Variants in AGFG1 observed in about 807,000 individuals in gnomAD.
The protein encoded by AGFG1 is ArfGAP with FG repeats 1.
AGFG1 carries 10 observed loss-of-function variants against 60.6 expected under a neutral mutation model. The ratio of observed to expected loss-of-function variants is 0.16; its 90% CI spans 0.10 to 0.28. The LOEUF (loss-of-function observed/expected upper bound fraction) is 0.28, where lower values mean the gene tolerates loss of function less well. Among genes scored for constraint, AGFG1 ranks in the 10% least tolerant of loss-of-function variants. The pLI is 1.00. For missense variants in AGFG1, 537 were observed against 676.5 expected, an observed-to-expected ratio of 0.79 and a Z score of 2.29; for synonymous variants, 247 against 242.9, an observed-to-expected ratio of 1.02 and a Z score of -0.16.
intron 1 of AGFG1, among the ~76,000 whole-genome samples, chr2:227,488,505 A>G (rs1690705831): frequency 6.6e-6 from 1 of 152,226 alleles, no homozygotes; most frequent in South Asian, 2.1e-4. Context: ...TTCCATTTTT[A>G]AAAGGAGATA....
chr2:227,482,979 C>CTT (rs59051579), intron 1 of AGFG1, among the ~76,000 whole-genome samples: 2 of 108,232 alleles, frequency 1.8e-5, no homozygotes, highest in Non-Finnish European at 2.0e-5. Flanking sequence ...GTTATTGAGT[C>CTT]TTTTTTTTTT....
intron 1 of AGFG1, among the ~76,000 whole-genome samples, chr2:227,478,290 T>C (rs1207250499): frequency 6.6e-6 from 1 of 150,896 alleles, no homozygotes; most frequent in East Asian, 1.9e-4. Flanking sequence ...GTATCTATTA[T>C]ATATACATAT....
intron 10 of AGFG1, among the ~76,000 whole-genome samples, chr2:227,542,218 A>G (rs538036974): frequency 7.4e-4 from 112 of 152,248 alleles, no homozygotes; most frequent in Admixed American, 1.8e-3. Flanking sequence ...GTGGTGAGAG[A>G]GGGCATACCT....
chr2:227,524,727 C>G (rs373815428), intron 4 of AGFG1, 35 bp from the exon 5 acceptor site: 188 of 1,605,134 alleles, frequency 1.2e-4, no homozygotes, highest in Non-Finnish European at 1.4e-4. Flanking sequence ...GCAGATCCGA[C>G]TGGAATATCT....
chr2:227,524,919 A>T lies in AGFG1; in HGVS notation c.694+4A>T. On this transcript the variant is annotated splice_donor_region_variant and intron_variant, in intron 5 of 12. Coordinates refer to ENST00000310078, the MANE Select transcript of AGFG1 (RefSeq NM_004504.5). ...GCACATTTCAACAGTCATGCAGGTA[A>T]GTGTTTTTTCCCAACAGCTTTTGCT... is the stretch of plus-strand genomic sequence containing the variant. The T allele has an allele frequency of 6.2e-7, 1 of 1,613,892 alleles. No homozygotes were observed. Among genetic ancestry groups the T allele is most frequent in the Non-Finnish European group, 8.5e-7 (1 of 1,179,790 alleles).
intron 3 of AGFG1, among the ~76,000 whole-genome samples, chr2:227,522,524 T>G (rs1045819056): frequency 6.6e-6 from 1 of 152,234 alleles, no homozygotes; most frequent in African/African-American, 2.4e-5. Context: ...TTCTCAGTGC[T>G]TTACAAATGT....
Position 227,557,344 on chromosome 2 carries a change from T to G in AGFG1, c.*2849T>G, listed in dbSNP as rs1050120044. 1.3e-5 allele frequency: 2 copies of G among 152,248 alleles called. No individual in the cohort carries two copies. The highest frequency in any genetic ancestry group is 4.8e-5 in the African/African-American group (2 of 41,462). 9.4% of individuals were successfully genotyped at this position (152,248 alleles called of 1,614,324 possible). On this transcript the variant is annotated 3_prime_UTR_variant, in exon 13 of 13. Coordinates refer to ENST00000310078, the MANE Select transcript of AGFG1 (RefSeq NM_004504.5). ...TCCTCAAAATAAGTCCTTCTGTTAA[T>G]TTGTAAAAGCACATTAGTGCTTTAC...
chr2:227,518,915 G>A (rs921518966), intron 2 of AGFG1, among the ~76,000 whole-genome samples: 4 of 152,200 alleles, frequency 2.6e-5, no homozygotes, highest in Non-Finnish European at 5.9e-5. Flanking sequence ...GCTCGCGCCT[G>A]TAATCCCAGC....
chr2:227,536,864 A>G (rs1344096362), intron 9 of AGFG1, 37 bp from the exon 10 acceptor site: 5 of 1,568,656 alleles, frequency 3.2e-6, no homozygotes, highest in Admixed American at 1.8e-5. Context: ...TACAAAATGT[A>G]TTAGGATTTT....
chr2:227,546,225 C>T (rs942301449), intron 10 of AGFG1, among the ~76,000 whole-genome samples: 3 of 152,200 alleles, frequency 2.0e-5, no homozygotes, highest in Non-Finnish European at 2.9e-5. Flanking sequence ...GCTGCCGCCT[C>T]GCAGTTCAAT....
At chr2:227,544,218 G>A (rs1333883695) in intron 10 of AGFG1, among the ~76,000 whole-genome samples, 6 of 136,634 alleles carry the variant, frequency 4.4e-5, no homozygotes, top group African/African-American at 1.7e-4. Context: ...GCAGTGGCGC[G>A]ATCTTGGCTC....
At chr2:227,537,068 C>A in intron 10 of AGFG1, 75 bp downstream of exon 10, 3 of 1,275,050 alleles carry the variant, frequency 2.4e-6, no homozygotes, top group Non-Finnish European at 2.2e-6. Context: ...TGAAGAACAC[C>A]AGAAAATGGG....
chr2:227,497,661 C>G (rs1022631358), intron 2 of AGFG1, among the ~76,000 whole-genome samples: 3 of 150,412 alleles, frequency 2.0e-5, no homozygotes, highest in African/African-American at 7.4e-5. Flanking sequence ...CATAATCTTG[C>G]ATACGTCTTA....
At chr2:227,489,866 A>G (rs1051509230) in intron 1 of AGFG1, among the ~76,000 whole-genome samples, 1 of 151,326 alleles carries the variant, frequency 6.6e-6, no homozygotes, top group South Asian at 2.1e-4. Context: ...TCCAGGATGG[A>G]GTGCAGTGGC....
intron 2 of AGFG1, among the ~76,000 whole-genome samples, chr2:227,501,601 A>T (rs537255725): frequency 6.6e-6 from 1 of 152,040 alleles, no homozygotes; most frequent in African/African-American, 2.4e-5. Context: ...ATTTTTTGAG[A>T]CAGGGTCTCA....
intron 1 of AGFG1, among the ~76,000 whole-genome samples, chr2:227,479,971 C>A (rs1690406354): frequency 6.6e-6 from 1 of 152,178 alleles, no homozygotes; most frequent in African/African-American, 2.4e-5. Context: ...TCAAAGACTT[C>A]TGACTAAGAT....
At chr2:227,530,739 A>G (rs1692132965) in intron 5 of AGFG1, among the ~76,000 whole-genome samples, 1 of 152,114 alleles carries the variant, frequency 6.6e-6, no homozygotes, top group African/African-American at 2.4e-5. Flanking sequence ...GATGTTTTCT[A>G]CATCTTTGTC....
At chr2:227,490,068 G>C (rs1217571477) in intron 1 of AGFG1, among the ~76,000 whole-genome samples, 1 of 151,886 alleles carries the variant, frequency 6.6e-6, no homozygotes, top group Non-Finnish European at 1.5e-5. Flanking sequence ...TCGTCGTCTC[G>C]GCCCCCCAAA....
chr2:227,526,845 T>C (rs1184150530), intron 5 of AGFG1, among the ~76,000 whole-genome samples: 1 of 152,076 alleles, frequency 6.6e-6, no homozygotes, highest in Non-Finnish European at 1.5e-5. Flanking sequence ...TGCCCGGCCC[T>C]AAAGATACTT....
Sources: allele counts gnomAD v4.1 joint callset (sites outside exome capture counted in the v4.1 genomes callset), GRCh38; gene constraint gnomAD v4.1.1; transcripts MANE v1.5; gene names NCBI Gene and HGNC (gene_info 2026-07-23, HGNC 2026-07-21).